The following AACS variants were observed in gnomAD, a reference collection of about 807,000 sequenced individuals.
The protein encoded by AACS is acetoacetate-CoA ligase.
In AACS, 69 loss-of-function variants were observed where a neutral mutation model predicts 83.1. That is an observed-to-expected ratio of 0.83 (90% CI 0.68 to 1.01). The LOEUF (loss-of-function observed/expected upper bound fraction) is 1.01. Ranked by LOEUF, AACS falls within the 50% of genes least tolerant of loss-of-function variation. The probability of loss-of-function intolerance (pLI) is 0.00; values close to 1 mark genes in which losing one functional copy is unlikely to be tolerated. For synonymous variants in AACS, 333 were observed against 343.4 expected (o/e 0.97, Z 0.33); for missense variants, 866 against 882.2 (o/e 0.98, Z 0.23).
At chr12:125,117,877 G>GGGA (rs1342152595) in intron 9 of AACS, 3 of 152,202 alleles carry the variant, frequency 2.0e-5, no homozygotes, top group Non-Finnish European at 4.4e-5. Flanking sequence ...CCAGCTACAT[G>GGGA]GGAGGCTGAG....
chr12:125,108,675 TA>T (rs905654325), intron 8 of AACS, among the ~76,000 whole-genome samples: 2 of 151,988 alleles, frequency 1.3e-5, no homozygotes, highest in South Asian at 2.1e-4. Flanking sequence ...TATTTTATTT[TA>T]TTTTTTTTTG....
Position 125,129,432 on chromosome 12 carries a change from C to T in AACS, c.1521C>T (p.Tyr507=), listed in dbSNP as rs755473179. Residue 507 remains tyrosine (Y), a synonymous_variant, in exon 14 of 18, where the codon TAC becomes TAT. Coordinates refer to ENST00000316519, the MANE Select transcript of AACS (RefSeq NM_023928.5). This position sits in a 1 kb window ranked among gnomAD's most constrained non-coding sequence, Gnocchi z 4.3. ...HFWNDENGNK[Y]RKAYFSKFPG... is the part of the protein sequence containing the mutation. ...GGAACGATGAGAACGGCAACAAGTA[C>T]AGGAAGGCGTATTTCTCCAAATTCC... is the stretch of plus-strand genomic sequence containing the variant. 5.0e-6 allele frequency: 8 copies of T among 1,613,844 alleles called. No individual in the cohort carries two copies. Among genetic ancestry groups the T allele is most frequent in the African/African-American group, 4.0e-5 (3 of 74,886 alleles).
rs781116485 is a variant in AACS at position 125,134,857 on chromosome 12, G to T, written c.1678+5G>T. The T allele has an allele frequency of 6.0e-5, 97 of 1,613,984 alleles. No individual in the cohort carries two copies. The highest frequency in any genetic ancestry group is 7.6e-5 in the Non-Finnish European group (90 of 1,180,020). ...GCTCGGAAATCTATAACATTGGTAC[G>T]TGCTTCCCCTCCCTGAGCGTTCTCC... On this transcript the variant is annotated splice_donor_5th_base_variant and intron_variant, in intron 16 of 17. Coordinates refer to ENST00000316519, the MANE Select transcript of AACS (RefSeq NM_023928.5).
chr12:125,102,887 C>T, intron 6 of AACS, 94 bp downstream of exon 6: 1 of 1,433,720 alleles, frequency 7.0e-7, no homozygotes, highest in Non-Finnish European at 9.7e-7. Flanking sequence ...GTCTCTGCCC[C>T]AGATTGTGTT....
At chr12:125,134,280 C>T (rs966483187) in intron 15 of AACS, among the ~76,000 whole-genome samples, 3 of 152,236 alleles carry the variant, frequency 2.0e-5, no homozygotes, top group Non-Finnish European at 4.4e-5. Flanking sequence ...TGTTTCCCCA[C>T]CCCTGTGCCT....
chr12:125,083,101 C>A (rs1445435985), intron 3 of AACS, among the ~76,000 whole-genome samples: 2 of 152,210 alleles, frequency 1.3e-5, no homozygotes, highest in Non-Finnish European at 2.9e-5. Context: ...CCAGCAGTGG[C>A]TTAGCTGGGT....
chr12:125,086,414 TG>T lies in AACS; in HGVS notation c.446del (p.Gly149ValfsTer2). 6.2e-7 allele frequency: 1 copy of T among 1,613,896 alleles called. No individual in the cohort carries two copies. The highest frequency in any genetic ancestry group is 8.5e-7 in the Non-Finnish European group (1 of 1,179,986). On this transcript the variant is annotated frameshift_variant, in exon 4 of 18. Transcript: ENST00000316519. LOFTEE classifies it high-confidence loss of function. ...TTGTTTGCAGCAGCAATGAGGAAAATGGGTGTGAAGAAAGGAGATCGGGTTG... is the reference window on the plus strand; with the variant it reads ...TTGTTTGCAGCAGCAATGAGGAAAATGGTGTGAAGAAAGGAGATCGGGTTG... ...VALFAAAMRK[M>X]GVKKGDRVVG...
At position 125,114,516 on chromosome 12, in the gene AACS, G is replaced by A. The variant is rs143681355; in HGVS notation, c.955G>A (p.Gly319Ser). The A allele has an allele frequency of 6.9e-5, 111 of 1,613,262 alleles. No homozygotes were observed. In the African/African-American group the frequency reaches 1.0e-3, roughly 15 times the overall value. ...IQHLKEHLLH[G>S]NMTSSDILLC... is the part of the protein sequence containing the mutation. ...GCATCTGAAGGAGCACCTGCTGCAC[G>A]GCAACATGACCAGCAGTGACATCCT... Residue 319 changes from glycine to serine, a missense_variant, in exon 9 of 18, where the codon GGC becomes AGC. Coordinates refer to ENST00000316519, the MANE Select transcript of AACS (RefSeq NM_023928.5).
chr12:125,116,907 T>A lies in AACS; in HGVS notation c.997-1734T>A, dbSNP rs556407130. On this transcript the variant is annotated intron_variant, in intron 9 of 17. Transcript: ENST00000316519. ...TTCCCCTCCCTACCTCTCCCTTCCT[T>A]TCCCGTTTTCCCTTTGCCTTTTGTC... Among the ~76,000 whole-genome samples, 6 of 142,692 alleles carry A rather than the reference T, an allele frequency of 4.2e-5. No individual in the cohort carries two copies. In the South Asian group the frequency reaches 9.9e-4, roughly 24 times the overall value. The allele number at this position is 142,692 out of a possible 152,430, so 93.6% of individuals were successfully genotyped here.
intron 16 of AACS, chr12:125,136,078 C>T (rs1223718219): frequency 1.3e-5 from 2 of 152,142 alleles, no homozygotes; most frequent in East Asian, 2.0e-4. Context: ...CCGACAGGGT[C>T]TCACTCTGTT....
rs372204963 is a variant in AACS at position 125,103,944 on chromosome 12, C to T, written c.767+863C>T. Among the ~76,000 whole-genome samples, 273 of 127,968 alleles carry T rather than the reference C, an allele frequency of 2.1e-3. 2 individuals are homozygous for T. Among genetic ancestry groups the T allele is most frequent in the African/African-American group, 7.5e-3 (250 of 33,268 alleles). 84.0% of individuals were successfully genotyped at this position (127,968 alleles called of 152,430 possible). A position where few individuals can be genotyped will look rare whatever the true frequency, so the allele number is the denominator to read the frequency against. On this transcript the variant is annotated intron_variant, in intron 7 of 17. Transcript: ENST00000316519. ...AGGAGCTTGCAGTGAGCCAAGATAG[C>T]GCCACTGCACTCCAGCCTGGGCAAA... is the stretch of plus-strand genomic sequence containing the variant.
intron 2 of AACS, among the ~76,000 whole-genome samples, chr12:125,074,817 C>T (rs913244732): frequency 6.6e-6 from 1 of 151,552 alleles, no homozygotes; most frequent in South Asian, 2.1e-4. Flanking sequence ...TCATGCACCA[C>T]CACGCCTGGC....
chr12:125,084,177 A>C (rs1417654464), intron 3 of AACS, among the ~76,000 whole-genome samples: 2 of 151,576 alleles, frequency 1.3e-5, no homozygotes, highest in African/African-American at 2.4e-5. Context: ...AAAATACAAA[A>C]ATTAGGTGCA....
chr12:125,065,449 C>G lies in AACS; in HGVS notation c.-136C>G. 5.1e-6 allele frequency: 5 copies of G among 982,918 alleles called. No homozygotes were observed. Among genetic ancestry groups the G allele is most frequent in the South Asian group, 2.7e-5 (1 of 36,736 alleles). 60.9% of individuals were successfully genotyped at this position (982,918 alleles called of 1,614,324 possible). A position where few individuals can be genotyped will look rare whatever the true frequency, so the allele number is the denominator to read the frequency against. On this transcript the variant is annotated 5_prime_UTR_variant, in exon 1 of 18. Transcript: ENST00000316519. ...GGCGGCCGTTCAGTCCCTTGTTCCC[C>G]GCCGCCGCCGTCGCTGACCCAGCCC... is the stretch of plus-strand genomic sequence containing the variant.
chr12:125,124,803 C>T, intron 11 of AACS, 34 bp downstream of exon 11: 2 of 1,614,100 alleles, frequency 1.2e-6, no homozygotes, highest in Middle Eastern at 1.6e-4. Context: ...ATTCCCTGTA[C>T]TGCCAATCAA....
intron 9 of AACS, among the ~76,000 whole-genome samples, chr12:125,116,979 CTG>C (rs1957065241): frequency 6.6e-6 from 1 of 151,918 alleles, no homozygotes; most frequent in African/African-American, 2.4e-5. Flanking sequence ...CAGTCTCACT[CTG>C]TTGCTCAGGC....
At chr12:125,102,822 C>T (rs1010484931) in intron 6 of AACS, 29 bp downstream of exon 6, 10 of 1,590,032 alleles carry the variant, frequency 6.3e-6, no homozygotes, top group Middle Eastern at 1.7e-4. Context: ...TCCCAGCCGG[C>T]ATGGCTGGGT....
intron 3 of AACS, among the ~76,000 whole-genome samples, chr12:125,083,585 C>T (rs1956255974): frequency 6.6e-6 from 1 of 151,862 alleles, no homozygotes; most frequent in Non-Finnish European, 1.5e-5. Flanking sequence ...AAGTTTTTGA[C>T]AGTAAGCTTG....
intron 3 of AACS, among the ~76,000 whole-genome samples, chr12:125,083,359 A>G (rs1056921568): frequency 2.0e-5 from 3 of 152,140 alleles, no homozygotes; most frequent in Non-Finnish European, 4.4e-5. Context: ...CTCAGAAGTC[A>G]TTGTCATTTC....
Sources: gnomAD v4.1 joint callset for allele counts (sites outside exome capture counted in the v4.1 genomes callset) on GRCh38, gnomAD v4.1.1 for gene constraint, Gnocchi (gnomAD v3.1) non-coding constraint, MANE v1.5 for transcripts, NCBI Gene and HGNC (gene_info 2026-07-23, HGNC 2026-07-21) for gene names.